Variants in CSMD1 observed in about 807,000 individuals in gnomAD.
CSMD1 encodes CUB and sushi domain-containing protein 1.
In CSMD1, 213 loss-of-function variants were observed where a neutral mutation model predicts 417.5. That is an observed-to-expected ratio of 0.51 (90% CI 0.46 to 0.57). The LOEUF is 0.57. Ranked by LOEUF, CSMD1 falls within the 20% of genes least tolerant of loss-of-function variation. The pLI is 0.00. For synonymous variants in CSMD1, 2,862 were observed against 1,736.8 expected (o/e 1.65, Z -16.11); for missense variants, 6,923 against 4,529.7 (o/e 1.53, Z -15.17).
chr8:3,607,302 G>A (rs1195859424), intron 8 of CSMD1, among the ~76,000 whole-genome samples: 1 of 152,170 alleles, frequency 6.6e-6, no homozygotes. Flanking sequence ...AAGCTGTCAT[G>A]TCCAATGATC....
intron 51 of CSMD1, among the ~76,000 whole-genome samples, chr8:3,027,023 A>T (rs4398946): frequency 1.3e-5 from 2 of 152,130 alleles, no homozygotes; most frequent in Non-Finnish European, 2.9e-5. Flanking sequence ...TTAAACAAAA[A>T]GTCACACACT....
chr8:4,551,208 C>T (rs1347987234), intron 2 of CSMD1, among the ~76,000 whole-genome samples: 1 of 152,132 alleles, frequency 6.6e-6, no homozygotes, highest in Non-Finnish European at 1.5e-5. Flanking sequence ...CCAGCTCCAC[C>T]AACCCTCCTG....
At chr8:4,274,637 T>C (rs1796372304) in intron 3 of CSMD1, among the ~76,000 whole-genome samples, 1 of 152,230 alleles carries the variant, frequency 6.6e-6, no homozygotes, top group South Asian at 2.1e-4. Flanking sequence ...CGAACAAAAA[T>C]CTATAGGTCT....
At chr8:3,367,757 G>C (rs1278861170) in intron 19 of CSMD1, among the ~76,000 whole-genome samples, 3 of 152,160 alleles carry the variant, frequency 2.0e-5, no homozygotes, top group Non-Finnish European at 4.4e-5. Flanking sequence ...TATAGATGTA[G>C]TTATATATAG....
At position 3,396,287 on chromosome 8, in the gene CSMD1, G is replaced by T. The variant is rs1290659423; in HGVS notation, c.2500C>A (p.Pro834Thr). The change falls in exon 17 of 70, where the codon CCC becomes ACC. Residue 834 changes from proline to threonine, a missense_variant. Physicochemically the swap from Pro to Thr is conservative, Grantham distance 38. Transcript: ENST00000635120. ...LIGEYHGTQA[P>T]QFLISTGNFM... ...TTCCCGGTGCTGATGAGGAACTGGG[G>T]TGCCTGGGTGCCGTGGTACTCGCCG... 2 of 1,602,052 alleles carry T rather than the reference G, an allele frequency of 1.2e-6. No homozygotes were observed. The highest frequency in any genetic ancestry group is 2.7e-5 in the African/African-American group (2 of 74,894).
rs187490764 is a variant in CSMD1, at chr8:4,533,406, A to G, written c.302+103936T>C. Among the ~76,000 whole-genome samples, 3 of 152,320 alleles carry G rather than the reference A, an allele frequency of 2.0e-5. No homozygotes were observed. In the East Asian group the frequency reaches 5.8e-4, roughly 29 times the overall value. ...TGTGAGATCCATATGACCAGGATGG[A>G]CGGACAAAAAAGGGGACTTTTGCTG... On this transcript the variant is annotated intron_variant, in intron 2 of 69. Coordinates refer to ENST00000635120, the MANE Select transcript of CSMD1 (RefSeq NM_033225.6).
chr8:4,650,807 C>T (rs1443743102), intron 1 of CSMD1, among the ~76,000 whole-genome samples: 3 of 152,122 alleles, frequency 2.0e-5, no homozygotes, highest in African/African-American at 7.2e-5. Flanking sequence ...CTTTATTTTA[C>T]CCAAGTTTTG....
At chr8:4,907,276 T>A (rs1805347455) in intron 1 of CSMD1, among the ~76,000 whole-genome samples, 1 of 152,242 alleles carries the variant, frequency 6.6e-6, no homozygotes, top group Admixed American at 6.5e-5. Context: ...TTTTGTGATG[T>A]ACCTTCTGCA....
chr8:3,930,363 T>C (rs1268052310), intron 5 of CSMD1, among the ~76,000 whole-genome samples: 1 of 150,600 alleles, frequency 6.6e-6, no homozygotes, highest in Non-Finnish European at 1.5e-5. Context: ...TCAATGTATT[T>C]TATGTTCTTA....
At chr8:3,257,454 A>G (rs1420938781) in intron 26 of CSMD1, among the ~76,000 whole-genome samples, 1 of 152,216 alleles carries the variant, frequency 6.6e-6, no homozygotes, top group African/African-American at 2.4e-5. Context: ...ACAATACAAA[A>G]TACAACCAAG....
rs117890627 is a variant in CSMD1 at position 4,153,928 on chromosome 8, G to C, written c.416-121829C>G. ...CATCTAACCCAGCCAACGAGGCACT[G>C]TGGATCCTGCTTTCAAGTGTTTTCT... On this transcript the variant is annotated intron_variant, in intron 3 of 69. Transcript: ENST00000635120. 1.8e-4 allele frequency among the ~76,000 whole-genome samples: 27 copies of C among 152,340 alleles called. No homozygotes were observed. The East Asian group carries it at 4.8e-3, about 27-fold the overall frequency.
At chr8:4,698,209 A>T (rs1220155184) in intron 1 of CSMD1, among the ~76,000 whole-genome samples, 1 of 151,658 alleles carries the variant, frequency 6.6e-6, no homozygotes, top group African/African-American at 2.4e-5. Flanking sequence ...GTATTAATGT[A>T]ATTAAGTAAG....
intron 5 of CSMD1, among the ~76,000 whole-genome samples, chr8:3,965,451 G>C (rs781018303): frequency 6.6e-6 from 1 of 152,138 alleles, no homozygotes; most frequent in Admixed American, 6.5e-5. Context: ...ATGTTTATGC[G>C]TAGAATTCTC....
intron 7 of CSMD1, among the ~76,000 whole-genome samples, chr8:3,634,993 T>C (rs1406924027): frequency 6.6e-6 from 1 of 152,106 alleles, no homozygotes; most frequent in Non-Finnish European, 1.5e-5. Flanking sequence ...AAGAAATTTG[T>C]GTATCTAAAC....
At chr8:3,635,553 A>G (rs1452236697) in intron 7 of CSMD1, among the ~76,000 whole-genome samples, 1 of 146,320 alleles carries the variant, frequency 6.8e-6, no homozygotes, top group Non-Finnish European at 1.5e-5. Context: ...GCGCGATCTC[A>G]GCTCACTGCA....
intron 6 of CSMD1, among the ~76,000 whole-genome samples, chr8:3,716,113 C>G (rs75013845): frequency 6.6e-6 from 1 of 152,204 alleles, no homozygotes; most frequent in Admixed American, 6.5e-5. Flanking sequence ...CTGCCCTTTG[C>G]TTCCAGAACT....
intron 26 of CSMD1, among the ~76,000 whole-genome samples, chr8:3,254,063 A>C (rs1446360519): frequency 1.3e-5 from 2 of 152,182 alleles, no homozygotes; most frequent in African/African-American, 2.4e-5. Flanking sequence ...CTTGTAGGGC[A>C]GGCCTGGTGG....
At chr8:3,620,975 A>T (rs1796198512) in intron 7 of CSMD1, among the ~76,000 whole-genome samples, 1 of 152,160 alleles carries the variant, frequency 6.6e-6, no homozygotes, top group African/African-American at 2.4e-5. Flanking sequence ...AATTAACTTA[A>T]AGTGTCATCC....
At chr8:3,056,430 C>A (rs1812225476) in intron 49 of CSMD1, among the ~76,000 whole-genome samples, 1 of 152,172 alleles carries the variant, frequency 6.6e-6, no homozygotes, top group South Asian at 2.1e-4. Flanking sequence ...TGCAGTGGCA[C>A]AGTCCAGGTT....
Sources: allele counts gnomAD v4.1 joint callset (sites outside exome capture counted in the v4.1 genomes callset), GRCh38; gene constraint gnomAD v4.1.1; transcripts MANE v1.5; gene names NCBI Gene and HGNC (gene_info 2026-07-23, HGNC 2026-07-21).